Variants in BNC2 observed in about 807,000 individuals in gnomAD.
BNC2 encodes basonuclin zinc finger protein 2.
In BNC2, 20 loss-of-function variants were observed where a neutral mutation model predicts 76.3. The ratio of observed to expected loss-of-function variants is 0.26; its 90% confidence interval spans 0.18 to 0.38. The LOEUF is 0.38. Ranked by LOEUF, BNC2 falls within the 10% of genes least tolerant of loss-of-function variation. The pLI is 1.00. For missense variants in BNC2, 1,382 were observed against 1,399.8 expected, an observed-to-expected ratio of 0.99 and a Z score of 0.20; for synonymous variants, 582 against 514.8, an observed-to-expected ratio of 1.13 and a Z score of -1.77.
At chr9:16,446,136 G>A (rs1162827243) in intron 5 of BNC2, among the ~76,000 whole-genome samples, 1 of 152,106 alleles carries the variant, frequency 6.6e-6, no homozygotes, top group Non-Finnish European at 1.5e-5. Flanking sequence ...TTACACACAT[G>A]TGCATGTACA....
intron 3 of BNC2, among the ~76,000 whole-genome samples, chr9:16,724,896 G>C (rs559670734): frequency 2.8e-4 from 42 of 152,082 alleles, no homozygotes; most frequent in Non-Finnish European, 5.3e-4. Flanking sequence ...CTACTAGTCA[G>C]AGTTTTCAAA....
chr9:16,456,831 A>C (rs1024589587), intron 5 of BNC2, among the ~76,000 whole-genome samples: 1 of 152,200 alleles, frequency 6.6e-6, no homozygotes, highest in Admixed American at 6.5e-5. Context: ...TATTGTAAAA[A>C]ACATCAAAAA....
chr9:16,755,138 C>G (rs1004922607), intron 1 of BNC2, among the ~76,000 whole-genome samples: 2 of 152,262 alleles, frequency 1.3e-5, no homozygotes, highest in East Asian at 3.9e-4. Context: ...GTATAAACAT[C>G]TAGAAGTTAT....
intron 5 of BNC2, among the ~76,000 whole-genome samples, chr9:16,504,596 C>T (rs1313993706): frequency 6.6e-6 from 1 of 152,108 alleles, no homozygotes; most frequent in Non-Finnish European, 1.5e-5. Flanking sequence ...TGATAAATTC[C>T]ATTATCTCTA....
chr9:16,757,384 G>A (rs1233348867), intron 1 of BNC2, among the ~76,000 whole-genome samples: 1 of 152,110 alleles, frequency 6.6e-6, no homozygotes, highest in African/African-American at 2.4e-5. Context: ...CTACTTTCTG[G>A]CTACCATCAG....
chr9:16,442,682 T>C (rs912113789), intron 5 of BNC2, among the ~76,000 whole-genome samples: 1 of 152,194 alleles, frequency 6.6e-6, no homozygotes. Flanking sequence ...CCTGTGTTCA[T>C]GGCAGGCTAC....
At chr9:16,485,526 G>A (rs574586751) in intron 5 of BNC2, among the ~76,000 whole-genome samples, 170 of 152,282 alleles carry the variant, frequency 1.1e-3, no homozygotes, top group African/African-American at 3.8e-3. Flanking sequence ...CCCAGTCAAG[G>A]GATCATATAG....
intron 3 of BNC2, among the ~76,000 whole-genome samples, chr9:16,617,570 T>C (rs1377692962): frequency 7.3e-5 from 11 of 150,572 alleles, no homozygotes; most frequent in Admixed American, 6.6e-4. Context: ...GGAGCTTCTA[T>C]ACAAGGCACA....
chr9:16,525,595 T>G (rs1367448089), intron 5 of BNC2, among the ~76,000 whole-genome samples: 1 of 152,216 alleles, frequency 6.6e-6, no homozygotes, highest in Non-Finnish European at 1.5e-5. Flanking sequence ...AAAATATGTT[T>G]CATCACCTAG....
At chr9:16,759,400 GAGGAAA>G in intron 1 of BNC2, among the ~76,000 whole-genome samples, 1 of 152,104 alleles carries the variant, frequency 6.6e-6, no homozygotes, top group African/African-American at 2.4e-5. Context: ...ATTTCAGGAG[GAGGAAA>G]ACCACCAAAT....
intron 3 of BNC2, among the ~76,000 whole-genome samples, chr9:16,678,120 A>C (rs999204045): frequency 7.2e-5 from 11 of 152,064 alleles, no homozygotes; most frequent in African/African-American, 2.7e-4. Context: ...GGAAGAAAAA[A>C]GGCAGCAGGT....
At chr9:16,826,426 C>T (rs1818455811) in intron 1 of BNC2, among the ~76,000 whole-genome samples, 1 of 152,102 alleles carries the variant, frequency 6.6e-6, no homozygotes, top group Non-Finnish European at 1.5e-5. Flanking sequence ...AGAAAACCCT[C>T]TAAGTTGCGA....
At chr9:16,499,530 CTTT>C (rs763681726) in intron 5 of BNC2, among the ~76,000 whole-genome samples, 3 of 127,094 alleles carry the variant, frequency 2.4e-5, no homozygotes, top group Non-Finnish European at 1.6e-5. Flanking sequence ...CTTTTTTTTT[CTTT>C]TTTTTTTTTT....
chr9:16,687,956 C>T (rs1312174435), intron 3 of BNC2, among the ~76,000 whole-genome samples: 1 of 152,086 alleles, frequency 6.6e-6, no homozygotes, highest in Non-Finnish European at 1.5e-5. Context: ...TATGTTTCAA[C>T]AATCATAATC....
intron 3 of BNC2, among the ~76,000 whole-genome samples, chr9:16,718,194 G>A (rs1050983419): frequency 6.6e-6 from 1 of 152,190 alleles, no homozygotes; most frequent in Non-Finnish European, 1.5e-5. Context: ...CTGACAGGCA[G>A]GCAGGGTTCA....
intron 3 of BNC2, among the ~76,000 whole-genome samples, chr9:16,686,684 G>C (rs1289765413): frequency 6.6e-6 from 1 of 152,102 alleles, no homozygotes; most frequent in Non-Finnish European, 1.5e-5. Flanking sequence ...AGCCATGCAT[G>C]CTAGCTTAAA....
At chr9:16,715,128 T>C (rs1165489895) in intron 3 of BNC2, among the ~76,000 whole-genome samples, 2 of 152,238 alleles carry the variant, frequency 1.3e-5, no homozygotes, top group South Asian at 2.1e-4. Flanking sequence ...AAGCTTTTTA[T>C]AGTTGAATTC....
At chr9:16,775,107 A>G (rs923328749) in intron 1 of BNC2, among the ~76,000 whole-genome samples, 2 of 152,232 alleles carry the variant, frequency 1.3e-5, no homozygotes, top group Non-Finnish European at 2.9e-5. Flanking sequence ...GGAACTTGCC[A>G]GGAATGCAAA....
intron 1 of BNC2, among the ~76,000 whole-genome samples, chr9:16,854,470 C>T (rs139449700): frequency 6.6e-6 from 1 of 152,154 alleles, no homozygotes; most frequent in Non-Finnish European, 1.5e-5. Context: ...AATTTCAGAT[C>T]AAGATATTTC....
Sources: gnomAD v4.1 joint callset for allele counts (sites outside exome capture counted in the v4.1 genomes callset) on GRCh38, gnomAD v4.1.1 for gene constraint, MANE v1.5 for transcripts, NCBI Gene and HGNC (gene_info 2026-07-23, HGNC 2026-07-21) for gene names.